HECW2: variants seen among roughly 807,000 people sequenced by gnomAD.
HECW2 encodes HECT, C2 and WW domain containing E3 ubiquitin protein ligase 2.
A neutral mutation model predicts 175.2 loss-of-function variants in HECW2; 61 were observed. That is an observed-to-expected ratio of 0.35 (90% CI 0.28 to 0.43). The LOEUF (loss-of-function observed/expected upper bound fraction) is 0.43, where lower values mean the gene tolerates loss of function less well. HECW2 is among the 20% of genes least tolerant of loss of function. The pLI is 1.00. For missense variants in HECW2, 1,524 were observed against 2,000.5 expected (o/e 0.76, Z 4.54); for synonymous variants, 671 against 731.0 (o/e 0.92, Z 1.32).
At chr2:196,414,066 G>A (rs1269662024) in intron 2 of HECW2, among the ~76,000 whole-genome samples, 2 of 152,222 alleles carry the variant, frequency 1.3e-5, no homozygotes. Flanking sequence ...AAAGCACTGA[G>A]AAGACAGTCC....
chr2:196,207,532 C>T (rs773982789), intron 28 of HECW2, among the ~76,000 whole-genome samples: 1 of 152,222 alleles, frequency 6.6e-6, no homozygotes, highest in East Asian at 1.9e-4. Flanking sequence ...AGCACAATGC[C>T]CTGACCTTCA....
rs776128886 is a variant in HECW2, at chr2:196,433,365, C to T, written c.59G>A (p.Arg20Gln). ...GAGGTTCTCTGGGCTCAATGTGTACCGCATCTGGGGATTTCGACGCCTCAC... is the reference window on the plus strand; with the variant it reads ...GAGGTTCTCTGGGCTCAATGTGTACTGCATCTGGGGATTTCGACGCCTCAC... ...LFVRRRNPQM[R>Q]YTLSPENLQS... Residue 20 changes from arginine to glutamine, a missense_variant, in exon 2 of 29, where the codon CGG becomes CAG. Transcript: ENST00000644978. The T allele has an allele frequency of 1.7e-5, 27 of 1,614,098 alleles. No individual in the cohort carries two copies. The highest frequency in any genetic ancestry group is 6.6e-5 in the South Asian group (6 of 91,066).
At chr2:196,289,580 AAGGTAGG>A (rs1376386420) in intron 14 of HECW2, 2 of 152,216 alleles carry the variant, frequency 1.3e-5, no homozygotes, top group Non-Finnish European at 2.9e-5. Context: ...CAGGTTGCCT[AAGGTAGG>A]AGGAACCAGC....
intron 1 of HECW2, among the ~76,000 whole-genome samples, chr2:196,589,438 C>T (rs1226812557): frequency 6.6e-6 from 1 of 152,174 alleles, no homozygotes; most frequent in Non-Finnish European, 1.5e-5. Flanking sequence ...AATCCAAACC[C>T]TTGCCAGGTC....
At chr2:196,376,636 A>C (rs1449619367) in intron 2 of HECW2, among the ~76,000 whole-genome samples, 2 of 11,428 alleles carry the variant, frequency 1.8e-4, no homozygotes, top group Non-Finnish European at 1.2e-3. Context: ...ACTCTGTCAT[A>C]AAAAAAAAAA....
At chr2:196,277,822 T>G (rs1690015999) in intron 15 of HECW2, among the ~76,000 whole-genome samples, 1 of 151,802 alleles carries the variant, frequency 6.6e-6, no homozygotes, top group South Asian at 2.1e-4. Context: ...GTTCATGTCC[T>G]TTGTAGGGAC....
chr2:196,374,013 CAG>C (rs1460593912), intron 2 of HECW2, among the ~76,000 whole-genome samples: 1 of 148,784 alleles, frequency 6.7e-6, no homozygotes, highest in African/African-American at 2.5e-5. Context: ...GCCTGGGCGA[CAG>C]AGAGAGACTC....
intron 5 of HECW2, among the ~76,000 whole-genome samples, chr2:196,326,342 G>C (rs189801443): frequency 1.2e-3 from 189 of 152,300 alleles, no homozygotes; most frequent in African/African-American, 3.9e-3. Context: ...TCATGGCCCA[G>C]GTACATGTGC....
chr2:196,548,260 G>A (rs1278325918), intron 1 of HECW2, among the ~76,000 whole-genome samples: 9 of 151,570 alleles, frequency 5.9e-5, no homozygotes, highest in African/African-American at 2.2e-4. Flanking sequence ...AATCGGGGAG[G>A]TGGAGGTTGC....
At chr2:196,458,090 T>G (rs1469714230) in intron 1 of HECW2, among the ~76,000 whole-genome samples, 1 of 151,932 alleles carries the variant, frequency 6.6e-6, no homozygotes, top group Non-Finnish European at 1.5e-5. Context: ...GGTAACATAG[T>G]GAGACCCCAT....
chr2:196,485,537 A>G (rs1686972694), intron 1 of HECW2, among the ~76,000 whole-genome samples: 1 of 151,974 alleles, frequency 6.6e-6, no homozygotes. Context: ...AGGCAGGGGG[A>G]TGAGACAGCA....
At chr2:196,390,275 A>C (rs1694467347) in intron 2 of HECW2, among the ~76,000 whole-genome samples, 1 of 152,214 alleles carries the variant, frequency 6.6e-6, no homozygotes, top group Non-Finnish European at 1.5e-5. Context: ...GGTCTTTGGA[A>C]TCCACATTCT....
chr2:196,477,610 A>T (rs1186580052), intron 1 of HECW2, among the ~76,000 whole-genome samples: 1 of 152,168 alleles, frequency 6.6e-6, no homozygotes, highest in Non-Finnish European at 1.5e-5. Flanking sequence ...TCAAATAATC[A>T]CAAAAATCTG....
intron 1 of HECW2, among the ~76,000 whole-genome samples, chr2:196,460,053 A>T (rs1575567313): frequency 1.3e-5 from 2 of 152,260 alleles, no homozygotes; most frequent in Admixed American, 6.5e-5. Flanking sequence ...TCTCCAATGG[A>T]AGGCTATGCT....
chr2:196,264,897 G>A (rs1689449702), intron 17 of HECW2, among the ~76,000 whole-genome samples: 1 of 152,164 alleles, frequency 6.6e-6, no homozygotes. Context: ...CTGCCCTGAA[G>A]AAGAAAGTCT....
chr2:196,376,553 C>T (rs897815839), intron 2 of HECW2, among the ~76,000 whole-genome samples: 5 of 150,606 alleles, frequency 3.3e-5, no homozygotes, highest in African/African-American at 7.3e-5. Flanking sequence ...ATTGCTTGAA[C>T]CAGGGAGGCG....
intron 28 of HECW2, among the ~76,000 whole-genome samples, chr2:196,213,574 G>A (rs1025724314): frequency 6.6e-6 from 1 of 152,130 alleles, no homozygotes; most frequent in Non-Finnish European, 1.5e-5. Context: ...ATGAAAAGAG[G>A]CTGCTTGCTC....
chr2:196,511,402 G>C (rs972893505), intron 1 of HECW2, among the ~76,000 whole-genome samples: 1 of 152,154 alleles, frequency 6.6e-6, no homozygotes, highest in Non-Finnish European at 1.5e-5. Context: ...ATTGTGTACT[G>C]CAGAGGTACA....
intron 19 of HECW2, among the ~76,000 whole-genome samples, chr2:196,250,823 C>T (rs1278035780): frequency 6.6e-6 from 1 of 152,170 alleles, no homozygotes; most frequent in Non-Finnish European, 1.5e-5. Flanking sequence ...CCTTCCCTCT[C>T]TCTTCTCCTA....
Sources: allele counts gnomAD v4.1 joint callset (sites outside exome capture counted in the v4.1 genomes callset), GRCh38; gene constraint gnomAD v4.1.1; transcripts MANE v1.5; gene names NCBI Gene and HGNC (gene_info 2026-07-23, HGNC 2026-07-21).